KIF1B: variants seen among roughly 807,000 people sequenced by gnomAD.
KIF1B encodes the protein kinesin-like protein KIF1B.
A neutral mutation model predicts 241.9 loss-of-function variants in KIF1B; 76 were observed. The observed-to-expected ratio is 0.31, with a 90% CI of 0.26 to 0.38. The LOEUF (loss-of-function observed/expected upper bound fraction) is 0.38, where lower values mean the gene tolerates loss of function less well. Among genes scored for constraint, KIF1B ranks in the 10% least tolerant of loss-of-function variants. KIF1B has a pLI of 1.00. For missense variants in KIF1B, 1,622 were observed against 2,271.4 expected (o/e 0.71, Z 5.81); for synonymous variants, 750 against 796.7 (o/e 0.94, Z 0.99).
intron 2 of KIF1B, among the ~76,000 whole-genome samples, chr1:10,244,120 T>C (rs1647174411): frequency 6.6e-6 from 1 of 152,178 alleles, no homozygotes; most frequent in Admixed American, 6.6e-5. Flanking sequence ...AATGGGAAAC[T>C]AAATTTGTTG....
chr1:10,380,373 T>C lies in KIF1B; in HGVS notation c.*3786T>C, dbSNP rs1569943549. ...TTTGACTTAGGTCTTTCAGTTTTCC[T>C]TTCGGTTCCCTTTTAAAAATGTGAT... On this transcript the variant is annotated 3_prime_UTR_variant, in exon 49 of 49. Transcript: ENST00000676179. 5.0e-6 allele frequency: 1 copy of C among 199,556 alleles called. No individual in the cohort carries two copies. The highest frequency in any genetic ancestry group is 6.0e-5 in the Admixed American group (1 of 16,548). The allele number at this position is 199,556 out of a possible 1,614,324, so 12.4% of individuals were successfully genotyped here.
chr1:10,263,822 C>T (rs570646357), intron 5 of KIF1B, among the ~76,000 whole-genome samples: 1 of 152,286 alleles, frequency 6.6e-6, no homozygotes, highest in East Asian at 1.9e-4. Flanking sequence ...TCCTAGTTGA[C>T]ACTGTGGTTT....
intron 41 of KIF1B, 45 bp downstream of exon 41, chr1:10,363,389 G>A (rs371486320): frequency 1.3e-6 from 2 of 1,487,504 alleles, no homozygotes; most frequent in East Asian, 2.3e-5. Context: ...CTTTGTGTAT[G>A]TTTCAAGTAT....
chr1:10,327,039 T>G (rs1007957507), intron 27 of KIF1B, among the ~76,000 whole-genome samples: 2 of 152,148 alleles, frequency 1.3e-5, no homozygotes, highest in African/African-American at 2.4e-5. Flanking sequence ...AATCATCTAT[T>G]GACCCCATCA....
At chr1:10,366,522 G>T (rs1236406784) in intron 43 of KIF1B, among the ~76,000 whole-genome samples, 4 of 152,178 alleles carry the variant, frequency 2.6e-5, no homozygotes, top group Non-Finnish European at 5.9e-5. Flanking sequence ...TGCGTGATCA[G>T]GAGGGAGGCA....
intron 2 of KIF1B, among the ~76,000 whole-genome samples, chr1:10,250,592 A>T (rs1163388873): frequency 6.6e-6 from 1 of 152,130 alleles, no homozygotes; most frequent in Non-Finnish European, 1.5e-5. Flanking sequence ...TTGGGAGGGC[A>T]AGGAAAGAGG....
intron 22 of KIF1B, among the ~76,000 whole-genome samples, chr1:10,300,261 TAATA>T (rs1650473622): frequency 6.7e-6 from 1 of 148,348 alleles, no homozygotes; most frequent in African/African-American, 2.5e-5. Flanking sequence ...ATAATAATAA[TAATA>T]ATATAGATAA....
At chr1:10,231,300 C>G (rs1018058262) in intron 1 of KIF1B, among the ~76,000 whole-genome samples, 1 of 150,792 alleles carries the variant, frequency 6.6e-6, no homozygotes, top group Non-Finnish European at 1.5e-5. Flanking sequence ...TTGTCCTTTG[C>G]TATTTAATTA....
At chr1:10,242,370 T>C (rs1647149298) in intron 2 of KIF1B, among the ~76,000 whole-genome samples, 1 of 152,218 alleles carries the variant, frequency 6.6e-6, no homozygotes, top group Admixed American at 6.5e-5. Flanking sequence ...CTCTGTGGTA[T>C]AGCCTGTTGC....
At chr1:10,350,278 G>A (rs1652742736) in intron 37 of KIF1B, among the ~76,000 whole-genome samples, 1 of 151,336 alleles carries the variant, frequency 6.6e-6, no homozygotes, top group South Asian at 2.1e-4. Context: ...TAAATAAATA[G>A]GCCGGGCGTG....
At position 10,267,557 on chromosome 1, in the gene KIF1B, AGGTATG is replaced by A; in HGVS notation, c.608+1_608+6del. The A allele has an allele frequency of 6.2e-7, 1 of 1,613,764 alleles. No individual in the cohort carries two copies. Among genetic ancestry groups the A allele is most frequent in the Non-Finnish European group, 8.5e-7 (1 of 1,179,760 alleles). The stretch of plus-strand genomic sequence containing the variant: ...CCTCATGGATGCTGGGAACAAAGCC[AGGTATG>A]GTAGGAAATAGAGTAATGACTGAGG... On this transcript the variant is annotated splice_donor_variant and splice_donor_5th_base_variant and coding_sequence_variant and intron_variant, in exon 6 of 49. Transcript: ENST00000676179. LOFTEE classifies it high-confidence loss of function.
At position 10,277,989 on chromosome 1, in the gene KIF1B, T is replaced by C. The variant is rs1311882534; in HGVS notation, c.1041T>C (p.Tyr347=). The C allele has an allele frequency of 6.2e-7, 1 of 1,613,788 alleles. No homozygotes were observed. Among genetic ancestry groups the C allele is most frequent in the Non-Finnish European group, 8.5e-7 (1 of 1,179,778 alleles). ...NYDETLSTLR[Y]ADRAKQIKCN... ...CAAATTTTCTTTTTGGATCTAGATATGCAGATCGTGCAAAACAAATTAAAT... is the reference window on the plus strand; with the variant it reads ...CAAATTTTCTTTTTGGATCTAGATACGCAGATCGTGCAAAACAAATTAAAT... The change falls in exon 13 of 49, where the codon TAT becomes TAC. Residue 347 remains tyrosine, a synonymous_variant. Transcript: ENST00000676179.
intron 3 of KIF1B, among the ~76,000 whole-genome samples, chr1:10,257,987 G>A (rs1248489675): frequency 1.3e-5 from 2 of 152,174 alleles, no homozygotes; most frequent in African/African-American, 2.4e-5. Flanking sequence ...CTGGGGAATC[G>A]ATGTTTTAAA....
In KIF1B at chr1:10,295,082, T is replaced by C; in HGVS notation, c.1591-4T>C. 1 of 1,597,974 alleles carries C rather than the reference T, an allele frequency of 6.3e-7. No homozygotes were observed. Among genetic ancestry groups the C allele is most frequent in the Non-Finnish European group, 8.6e-7 (1 of 1,165,280 alleles). On this transcript the variant is annotated splice_region_variant and splice_polypyrimidine_tract_variant and intron_variant, in intron 17 of 48. Transcript: ENST00000676179. ...CCAAATTGATCATCTGTAATCTTTT[T>C]CAGACCCCACATCTTGTTAACCTCA...
chr1:10,221,689 A>G (rs1213414290), intron 1 of KIF1B, among the ~76,000 whole-genome samples: 1 of 152,182 alleles, frequency 6.6e-6, no homozygotes, highest in African/African-American at 2.4e-5. Context: ...ATAAAAATTT[A>G]TTTTTGGATA....
intron 47 of KIF1B, 37 bp from the exon 48 acceptor site, chr1:10,375,216 CTG>C (rs1638849031): frequency 6.4e-7 from 1 of 1,562,030 alleles, no homozygotes; most frequent in African/African-American, 1.3e-5. Context: ...ATTGCTGTCT[CTG>C]TAGTAACTTT....
intron 27 of KIF1B, among the ~76,000 whole-genome samples, chr1:10,333,335 A>G (rs527262401): frequency 6.6e-6 from 1 of 150,686 alleles, no homozygotes; most frequent in East Asian, 2.0e-4. Flanking sequence ...GCGCCATTGC[A>G]CTCCAGCCTG....
At chr1:10,282,561 G>T in intron 15 of KIF1B, 28 bp downstream of exon 15, 1 of 1,555,586 alleles carries the variant, frequency 6.4e-7, no homozygotes, top group Non-Finnish European at 8.9e-7. Flanking sequence ...CTGAATACAA[G>T]GTATTCTATG....
intron 26 of KIF1B, among the ~76,000 whole-genome samples, chr1:10,325,600 C>T (rs992289689): frequency 1.3e-5 from 2 of 152,200 alleles, no homozygotes; most frequent in Non-Finnish European, 2.9e-5. Context: ...AAATCTTTTC[C>T]ACTCTGCTCT....
Sources: allele counts gnomAD v4.1 joint callset (sites outside exome capture counted in the v4.1 genomes callset), GRCh38; gene constraint gnomAD v4.1.1; transcripts MANE v1.5; gene names NCBI Gene and HGNC (gene_info 2026-07-23, HGNC 2026-07-21).